The following CPA6 variants were observed in gnomAD, a reference collection of about 807,000 sequenced individuals.
CPA6 encodes carboxypeptidase B.
In CPA6, 58 loss-of-function variants were observed where a neutral mutation model predicts 63.3. The observed-to-expected ratio is 0.92, with a 90% CI of 0.74 to 1.14. The LOEUF is 1.14. Ranked by LOEUF, CPA6 falls within the 50% of genes most tolerant of loss-of-function variation. The pLI, the probability that CPA6 is intolerant of heterozygous loss-of-function variation, is 0.00. For missense variants in CPA6, 565 were observed against 526.6 expected (o/e 1.07, Z -0.71); for synonymous variants, 185 against 179.0 (o/e 1.03, Z -0.27).
chr8:67,509,524 A>G lies in CPA6; in HGVS notation c.527T>C (p.Ile176Thr). Reference sequence around the variant, plus strand: ...GCAATTGCTTATTTTTACCTTTAAAATAAAAAGAGATCTTCCCTCATATGA... The same window carrying G: ...GCAATTGCTTATTTTTACCTTTAAAGTAAAAAGAGATCTTCCCTCATATGA... The part of the protein sequence containing the change: ...GRSYEGRSLF[I>T]LKLGRRSRLK... The change falls in exon 5 of 11, where the codon ATT becomes ACT. Residue 176 changes from isoleucine (I) to threonine (T), a missense_variant. Coordinates refer to ENST00000297770, the MANE Select transcript of CPA6 (RefSeq NM_020361.5). The G allele has an allele frequency of 1.3e-6, 2 of 1,507,996 alleles. No homozygotes were observed. The highest frequency in any genetic ancestry group is 1.8e-6 in the Non-Finnish European group (2 of 1,092,626). 93.4% of individuals were successfully genotyped at this position (1,507,996 alleles called of 1,614,324 possible).
At chr8:67,426,330 C>T (rs976903500) in intron 10 of CPA6, among the ~76,000 whole-genome samples, 3 of 151,990 alleles carry the variant, frequency 2.0e-5, no homozygotes, top group Non-Finnish European at 2.9e-5. Flanking sequence ...GACTGTGACT[C>T]TATATGAAGT....
chr8:67,475,802 TTTCTTTCTTTC>T (rs1811174092), intron 8 of CPA6, among the ~76,000 whole-genome samples: 1 of 57,766 alleles, frequency 1.7e-5, no homozygotes, highest in Non-Finnish European at 3.3e-5. Flanking sequence ...TCTTTCTTTC[TTTCTTTCTTTC>T]TTTCCTTTCT....
At chr8:67,638,511 G>A (rs1419467036) in intron 1 of CPA6, among the ~76,000 whole-genome samples, 4 of 151,524 alleles carry the variant, frequency 2.6e-5, no homozygotes, top group African/African-American at 9.8e-5. Context: ...ACTGTGATGT[G>A]CTGCTCAAGT....
intron 1 of CPA6, among the ~76,000 whole-genome samples, chr8:67,720,645 A>T (rs931691381): frequency 1.3e-5 from 2 of 152,230 alleles, no homozygotes; most frequent in African/African-American, 4.8e-5. Flanking sequence ...ATTAGTCCAC[A>T]TGCTTCAAGG....
intron 2 of CPA6, among the ~76,000 whole-genome samples, chr8:67,570,283 C>A (rs769296397): frequency 6.6e-6 from 1 of 152,154 alleles, no homozygotes; most frequent in Non-Finnish European, 1.5e-5. Flanking sequence ...GGAAGTTTAT[C>A]ACCACTAGAC....
intron 1 of CPA6, among the ~76,000 whole-genome samples, chr8:67,736,376 C>A (rs1817812391): frequency 6.6e-6 from 1 of 152,180 alleles, no homozygotes; most frequent in Non-Finnish European, 1.5e-5. Flanking sequence ...TTTCTGACAT[C>A]CCAATTCCCT....
chr8:67,593,729 A>G (rs1814205630), intron 2 of CPA6, among the ~76,000 whole-genome samples: 1 of 147,696 alleles, frequency 6.8e-6, no homozygotes, highest in Admixed American at 6.8e-5. Context: ...TTTGTTTTCC[A>G]TTTGCTTGGT....
rs189541692 is a variant in CPA6, at chr8:67,610,002, A to C, written c.192+14174T>G. On this transcript the variant is annotated intron_variant, in intron 2 of 10. Transcript: ENST00000297770. The stretch of plus-strand genomic sequence containing the variant: ...GTGCCACTGCATTCCAGCCTGGGTG[A>C]CAGAGCGAGACTCCGTCTCAACAAA... Among the ~76,000 whole-genome samples the C allele has an allele frequency of 9.5e-3, 1,446 of 151,710 alleles. 13 individuals carry two copies. The highest frequency in any genetic ancestry group is 0.016 in the Non-Finnish European group (1,090 of 67,986).
intron 9 of CPA6, among the ~76,000 whole-genome samples, chr8:67,430,262 C>T (rs1384289231): frequency 2.0e-5 from 3 of 150,748 alleles, no homozygotes; most frequent in Non-Finnish European, 2.9e-5. Context: ...TTACTGCAAC[C>T]TCTGCCTACC....
At chr8:67,743,665 C>A (rs1044008055) in intron 1 of CPA6, among the ~76,000 whole-genome samples, 2 of 151,974 alleles carry the variant, frequency 1.3e-5, no homozygotes, top group East Asian at 3.9e-4. Context: ...TTAAATTTAC[C>A]ATTTACTAAG....
chr8:67,437,357 C>T (rs1225997510), intron 8 of CPA6, among the ~76,000 whole-genome samples: 3 of 151,986 alleles, frequency 2.0e-5, no homozygotes, highest in African/African-American at 7.2e-5. Context: ...CTTGCGCCAC[C>T]GCACTCCAGC....
intron 1 of CPA6, among the ~76,000 whole-genome samples, chr8:67,632,957 A>G (rs1815377774): frequency 2.6e-5 from 4 of 152,192 alleles, no homozygotes; most frequent in Admixed American, 2.0e-4. Context: ...TATGATTTTC[A>G]TTTACTGTGT....
chr8:67,594,057 G>A (rs1814217787), intron 2 of CPA6, among the ~76,000 whole-genome samples: 2 of 151,670 alleles, frequency 1.3e-5, no homozygotes, highest in African/African-American at 2.4e-5. Context: ...CTTCCTTCAG[G>A]AGCTCTTGTA....
At chr8:67,643,917 T>C (rs1484023754) in intron 1 of CPA6, among the ~76,000 whole-genome samples, 7 of 151,990 alleles carry the variant, frequency 4.6e-5, no homozygotes, top group Non-Finnish European at 1.0e-4. Flanking sequence ...TAGAAAAAAA[T>C]AGACACTGGC....
intron 1 of CPA6, among the ~76,000 whole-genome samples, chr8:67,639,539 T>C (rs1815543219): frequency 6.6e-6 from 1 of 151,560 alleles, no homozygotes; most frequent in Non-Finnish European, 1.5e-5. Flanking sequence ...CATAAGCAGC[T>C]TCCACAGCTG....
chr8:67,656,601 AG>A (rs916948281), intron 1 of CPA6, among the ~76,000 whole-genome samples: 3 of 152,210 alleles, frequency 2.0e-5, no homozygotes, highest in African/African-American at 7.2e-5. Flanking sequence ...TCATCAATGT[AG>A]GGTTCAAGGC....
chr8:67,529,300 T>C (rs1405150518), intron 2 of CPA6, among the ~76,000 whole-genome samples: 3 of 151,790 alleles, frequency 2.0e-5, no homozygotes, highest in East Asian at 1.9e-4. Context: ...AAAAAGCAAA[T>C]AGGAAATTAG....
At chr8:67,515,529 T>A (rs1433312097) in intron 3 of CPA6, among the ~76,000 whole-genome samples, 1 of 152,198 alleles carries the variant, frequency 6.6e-6, no homozygotes, top group Non-Finnish European at 1.5e-5. Flanking sequence ...GGGAGGAAGG[T>A]CAGCGTATTC....
At chr8:67,534,009 G>C (rs1812531479) in intron 2 of CPA6, among the ~76,000 whole-genome samples, 1 of 152,200 alleles carries the variant, frequency 6.6e-6, no homozygotes, top group African/African-American at 2.4e-5. Flanking sequence ...TGAATGGTAA[G>C]GAATTCAGGT....
Sources: allele counts gnomAD v4.1 joint callset (sites outside exome capture counted in the v4.1 genomes callset), GRCh38; gene constraint gnomAD v4.1.1; transcripts MANE v1.5; gene names NCBI Gene and HGNC (gene_info 2026-07-23, HGNC 2026-07-21).